WWOX: variants seen among roughly 807,000 people sequenced by gnomAD.
WWOX encodes the protein WW domain containing oxidoreductase.
A neutral mutation model predicts 46.2 loss-of-function variants in WWOX; 69 were observed. The ratio of observed to expected loss-of-function variants is 1.49; its 90% CI spans 1.23 to 1.82. The LOEUF is 1.82. Ranked by LOEUF, WWOX falls within the 40% of genes most tolerant of loss-of-function variation. The probability of loss-of-function intolerance (pLI) is 0.00; values close to 1 mark genes in which losing one functional copy is unlikely to be tolerated. For missense variants in WWOX, 919 were observed against 542.6 expected, an observed-to-expected ratio of 1.69 and a Z score of -6.89; for synonymous variants, 359 against 202.6, an observed-to-expected ratio of 1.77 and a Z score of -6.56.
At chr16:78,387,389 G>A (rs1597145183) in intron 6 of WWOX, among the ~76,000 whole-genome samples, 1 of 152,190 alleles carries the variant, frequency 6.6e-6, no homozygotes, top group Non-Finnish European at 1.5e-5. Context: ...AGCCTTCGAT[G>A]ATTTGATGTG....
chr16:78,967,046 T>C (rs2046374803), intron 8 of WWOX, among the ~76,000 whole-genome samples: 1 of 152,196 alleles, frequency 6.6e-6, no homozygotes. Context: ...ATGCTTCCTT[T>C]GGTCCATTGT....
Position 78,273,650 on chromosome 16 carries a change from C to G in WWOX, c.516+109361C>G, listed in dbSNP as rs549311322. 2.6e-5 allele frequency among the ~76,000 whole-genome samples: 4 copies of G among 152,190 alleles called. No individual in the cohort carries two copies. The South Asian group carries it at 8.3e-4, about 32-fold the overall frequency. On this transcript the variant is annotated intron_variant, in intron 5 of 8. Coordinates refer to ENST00000566780, the MANE Select transcript of WWOX (RefSeq NM_016373.4). ...AGGCACGAAATGATGAGCCCTTGAG[C>G]AAAAGTGATTGCAGTGAGTACAGGG...
intron 8 of WWOX, among the ~76,000 whole-genome samples, chr16:78,568,866 T>C (rs2151570037): frequency 6.6e-6 from 1 of 152,350 alleles, no homozygotes. Flanking sequence ...GCTTCTGTCT[T>C]ACACGTTTTA....
chr16:78,918,392 C>T (rs2045301259), intron 8 of WWOX, among the ~76,000 whole-genome samples: 1 of 152,046 alleles, frequency 6.6e-6, no homozygotes, highest in Admixed American at 6.5e-5. Context: ...CTCTCCTTTC[C>T]AGGCTGGCTT....
chr16:78,997,559 T>C (rs2047014688), intron 8 of WWOX, among the ~76,000 whole-genome samples: 1 of 152,188 alleles, frequency 6.6e-6, no homozygotes, highest in Non-Finnish European at 1.5e-5. Flanking sequence ...CAATAGCATG[T>C]ATATACAACA....
At chr16:78,304,528 C>T (rs1044848783) in intron 5 of WWOX, among the ~76,000 whole-genome samples, 1 of 152,174 alleles carries the variant, frequency 6.6e-6, no homozygotes. Flanking sequence ...GCAGGGTAAG[C>T]ACACTGTTTT....
chr16:78,268,707 A>C (rs1401295291), intron 5 of WWOX, among the ~76,000 whole-genome samples: 1 of 152,222 alleles, frequency 6.6e-6, no homozygotes, highest in African/African-American at 2.4e-5. Context: ...CAAACTGGCC[A>C]GGTAGAAATA....
chr16:79,143,639 C>T (rs1021073763), intron 8 of WWOX, among the ~76,000 whole-genome samples: 2 of 151,984 alleles, frequency 1.3e-5, no homozygotes, highest in Non-Finnish European at 2.9e-5. Context: ...GAGTATTCGC[C>T]AATATGTATA....
chr16:78,593,994 C>T (rs2045415253), intron 8 of WWOX, among the ~76,000 whole-genome samples: 2 of 152,150 alleles, frequency 1.3e-5, no homozygotes, highest in South Asian at 2.1e-4. Context: ...ATTAGAAACA[C>T]TATTTAAGTC....
chr16:78,337,081 C>T (rs1345882338), intron 5 of WWOX, among the ~76,000 whole-genome samples: 1 of 152,012 alleles, frequency 6.6e-6, no homozygotes, highest in African/African-American at 2.4e-5. Flanking sequence ...GCACCTGACC[C>T]TAGGATAATC....
intron 8 of WWOX, among the ~76,000 whole-genome samples, chr16:78,767,666 A>G (rs1251851034): frequency 6.6e-6 from 1 of 152,170 alleles, no homozygotes; most frequent in Non-Finnish European, 1.5e-5. Flanking sequence ...CAGCAGCCGC[A>G]TCATTTTACA....
intron 5 of WWOX, among the ~76,000 whole-genome samples, chr16:78,178,067 G>T (rs531428339): frequency 1.3e-3 from 201 of 152,298 alleles, no homozygotes; most frequent in African/African-American, 4.7e-3. Flanking sequence ...CCTGTGTTAG[G>T]AGGAGGGTGA....
At chr16:78,659,087 G>A (rs1223892205) in intron 8 of WWOX, among the ~76,000 whole-genome samples, 23 of 147,988 alleles carry the variant, frequency 1.6e-4, no homozygotes, top group Admixed American at 1.2e-3. Context: ...GTGAGAATCC[G>A]TCTCAAAAAA....
chr16:78,133,526 G>T (rs2033680738), intron 4 of WWOX, among the ~76,000 whole-genome samples: 1 of 151,868 alleles, frequency 6.6e-6, no homozygotes, highest in Non-Finnish European at 1.5e-5. Flanking sequence ...CTCCCAAAGT[G>T]CTGGGATTAC....
intron 8 of WWOX, among the ~76,000 whole-genome samples, chr16:78,659,734 G>C (rs1032664217): frequency 9.2e-5 from 14 of 152,060 alleles, no homozygotes; most frequent in African/African-American, 2.9e-4. Flanking sequence ...AAATGACAAT[G>C]TTCATATATT....
At chr16:79,211,484 G>A in intron 8 of WWOX, 124 bp from the exon 9 acceptor site, 2 of 1,259,770 alleles carry the variant, frequency 1.6e-6, no homozygotes, top group East Asian at 4.9e-5. Context: ...CCTTTGCTAT[G>A]CCAAGATCCA....
chr16:78,103,416 G>C (rs993760285), intron 1 of WWOX, among the ~76,000 whole-genome samples: 2 of 152,038 alleles, frequency 1.3e-5, no homozygotes, highest in Admixed American at 6.5e-5. Context: ...GTATACACCA[G>C]CTGAGATGCC....
chr16:78,474,442 C>T (rs974176427), intron 8 of WWOX, among the ~76,000 whole-genome samples: 16 of 152,318 alleles, frequency 1.1e-4, no homozygotes, highest in African/African-American at 3.8e-4. Context: ...TCTCATTTGT[C>T]AGATTGGTTT....
At chr16:79,042,616 C>T (rs996870797) in intron 8 of WWOX, among the ~76,000 whole-genome samples, 4 of 152,090 alleles carry the variant, frequency 2.6e-5, no homozygotes, top group African/African-American at 9.7e-5. Flanking sequence ...ACTATACATG[C>T]AAGCTGTTGG....
Sources: gnomAD v4.1 joint callset for allele counts (sites outside exome capture counted in the v4.1 genomes callset) on GRCh38, gnomAD v4.1.1 for gene constraint, MANE v1.5 for transcripts, NCBI Gene and HGNC (gene_info 2026-07-23, HGNC 2026-07-21) for gene names.